Variants in ITPR1 observed in about 807,000 individuals in gnomAD.
The protein encoded by ITPR1 is inositol 1,4,5-trisphosphate-gated calcium channel ITPR1.
ITPR1 carries 96 observed loss-of-function variants against 318.4 expected under a neutral mutation model. That is an observed-to-expected ratio of 0.30 (90% CI 0.26 to 0.36). The LOEUF (loss-of-function observed/expected upper bound fraction) is 0.36, where lower values mean the gene tolerates loss of function less well. ITPR1 is among the 10% of genes least tolerant of loss of function. The pLI, the probability that ITPR1 is intolerant of heterozygous loss-of-function variation, is 1.00. For missense variants in ITPR1, 2,440 were observed against 3,460.2 expected, an observed-to-expected ratio of 0.71 and a Z score of 7.40; for synonymous variants, 1,312 against 1,289.9, an observed-to-expected ratio of 1.02 and a Z score of -0.37.
intron 4 of ITPR1, among the ~76,000 whole-genome samples, chr3:4,618,284 A>G (rs2092464229): frequency 6.6e-6 from 1 of 152,226 alleles, no homozygotes; most frequent in African/African-American, 2.4e-5. Context: ...CTCACTTTCC[A>G]GAGGCAACAA....
rs2093852750 is a variant in ITPR1, at chr3:4,662,356, C to A, written c.1412+114C>A. Reference sequence around the variant, plus strand: ...GAACAGCTAAACATGGGGTAGCAGGCCTTAGCATTTATGGGTGGCTTCAAT... The same window carrying A: ...GAACAGCTAAACATGGGGTAGCAGGACTTAGCATTTATGGGTGGCTTCAAT... On this transcript the variant is annotated intron_variant, in intron 15 of 61. Coordinates refer to ENST00000649015, the MANE Select transcript of ITPR1 (RefSeq NM_001378452.1). The A allele has an allele frequency of 4.5e-6, 4 of 896,264 alleles. No individual in the cohort carries two copies. In the Admixed American group the frequency reaches 1.4e-4, roughly 31 times the overall value. 55.5% of individuals were successfully genotyped at this position (896,264 alleles called of 1,614,324 possible).
intron 3 of ITPR1, among the ~76,000 whole-genome samples, chr3:4,519,196 A>G (rs1051750061): frequency 3.9e-4 from 60 of 152,154 alleles, no homozygotes; most frequent in African/African-American, 1.4e-3. Context: ...TCCTCTTACC[A>G]CTTCCTCCCC....
intron 15 of ITPR1, 76 bp from the exon 16 acceptor site, chr3:4,662,989 G>A: frequency 2.2e-6 from 3 of 1,394,726 alleles, no homozygotes; most frequent in Non-Finnish European, 3.0e-6. Flanking sequence ...CATTCGTCCA[G>A]AAGGCTTCCA....
chr3:4,773,438 G>C (rs1420239686), intron 46 of ITPR1, among the ~76,000 whole-genome samples: 6 of 152,226 alleles, frequency 3.9e-5, no homozygotes, highest in Non-Finnish European at 8.8e-5. Flanking sequence ...TGTTATAAGA[G>C]TTGCCTCTCT....
rs1298278344 is a variant in ITPR1 at position 4,532,279 on chromosome 3, A to G, written c.163+11185A>G. ...TTGCTTCTGAGATCTGACTGCGTAT[A>G]GGAACCACCTGGAATCTTGTTAAAG... On this transcript the variant is annotated intron_variant, in intron 4 of 61. Transcript: ENST00000649015. Among the ~76,000 whole-genome samples the G allele has an allele frequency of 3.9e-5, 6 of 152,376 alleles. No homozygotes were observed. The East Asian group carries it at 7.7e-4, about 20-fold the overall frequency.
intron 4 of ITPR1, among the ~76,000 whole-genome samples, chr3:4,620,963 T>C (rs1316078314): frequency 2.0e-5 from 3 of 152,006 alleles, no homozygotes; most frequent in Non-Finnish European, 4.4e-5. Flanking sequence ...GACTGTTCTA[T>C]ATTTTCAACT....
At chr3:4,590,174 C>CTTTTTTTTTTTT (rs10713337) in intron 4 of ITPR1, among the ~76,000 whole-genome samples, 3 of 87,430 alleles carry the variant, frequency 3.4e-5, no homozygotes, top group Non-Finnish European at 6.4e-5. Flanking sequence ...CTTCGTCTTG[C>CTTTTTTTTTTTT]TTTTTTTTTT....
chr3:4,647,217 G>C (rs2093478416), intron 10 of ITPR1, among the ~76,000 whole-genome samples: 2 of 151,694 alleles, frequency 1.3e-5, no homozygotes, highest in Non-Finnish European at 2.9e-5. Context: ...ATTCTTGCAT[G>C]TATCAGATTA....
Position 4,836,735 on chromosome 3 carries a change from C to CT in ITPR1, c.8029-15dup, listed in dbSNP as rs201029025. The CT allele has an allele frequency of 0.028, 29,967 of 1,061,878 alleles. 46 individuals are homozygous for CT. The highest frequency in any genetic ancestry group is 0.031 in the Non-Finnish European group (26,100 of 854,270). The allele number at this position is 1,061,878 out of a possible 1,614,324, so 65.8% of individuals were successfully genotyped here. On this transcript the variant is annotated intron_variant, in intron 60 of 61. Coordinates refer to ENST00000649015, the MANE Select transcript of ITPR1 (RefSeq NM_001378452.1). The stretch of plus-strand genomic sequence containing the variant: ...TTTTTACCTCTAGAAGTGACTCAGT[C>CT]TTTTTTTTTTTTTTTTTTTTTTTTA...
chr3:4,669,783 G>C lies in ITPR1; in HGVS notation c.2006+10G>C. ...TCCTGATTGAGACCAAGTGAGTGGG[G>C]AGCCAGGGTTTAGATGGAAAACATG... On this transcript the variant is annotated intron_variant, in intron 19 of 61. Coordinates refer to ENST00000649015, the MANE Select transcript of ITPR1 (RefSeq NM_001378452.1). The C allele has an allele frequency of 1.2e-6, 2 of 1,604,158 alleles. No individual in the cohort carries two copies. Among genetic ancestry groups the C allele is most frequent in the Non-Finnish European group, 1.7e-6 (2 of 1,174,196 alleles).
Position 4,602,792 on chromosome 3 carries a change from TA to T in ITPR1, c.164-24967del, listed in dbSNP as rs1310074082. Among the ~76,000 whole-genome samples, 10 of 152,058 alleles carry T rather than the reference TA, an allele frequency of 6.6e-5. No individual in the cohort carries two copies. The South Asian group carries it at 8.3e-4, about 13-fold the overall frequency. Reference sequence around the variant, plus strand: ...TACCTATTTTGTGATTCTATTTATGTAAAATACCGAGAATTCATAGAGACAG... The same window carrying T: ...TACCTATTTTGTGATTCTATTTATGTAAATACCGAGAATTCATAGAGACAG... On this transcript the variant is annotated intron_variant, in intron 4 of 61. Coordinates refer to ENST00000649015, the MANE Select transcript of ITPR1 (RefSeq NM_001378452.1).
intron 57 of ITPR1, 92 bp downstream of exon 57, chr3:4,813,326 C>T (rs2049063461): frequency 4.6e-6 from 4 of 878,388 alleles, no homozygotes. Context: ...ATTAAATTTA[C>T]TGCTCAGGAG....
intron 46 of ITPR1, among the ~76,000 whole-genome samples, chr3:4,774,011 G>C (rs955933090): frequency 2.0e-5 from 3 of 152,142 alleles, no homozygotes; most frequent in Non-Finnish European, 4.4e-5. Context: ...TTTTTATAAA[G>C]ACCAAATGAA....
chr3:4,500,822 T>C (rs1247985249), intron 2 of ITPR1, among the ~76,000 whole-genome samples: 2 of 152,194 alleles, frequency 1.3e-5, no homozygotes, highest in East Asian at 3.8e-4. Context: ...CACTAAGAGG[T>C]TGTTAAATCA....
intron 39 of ITPR1, among the ~76,000 whole-genome samples, chr3:4,714,272 G>A (rs722367): frequency 0.13 from 20,527 of 152,152 alleles, 1,465 homozygotes; most frequent in Admixed American, 0.15. Context: ...AATAAATGAG[G>A]TGTTCTTTGG....
chr3:4,681,945 T>G (rs963674824), intron 26 of ITPR1, among the ~76,000 whole-genome samples: 1 of 152,192 alleles, frequency 6.6e-6, no homozygotes, highest in African/African-American at 2.4e-5. Context: ...AATTTTGACT[T>G]AAGACATTAT....
At chr3:4,822,438 A>C (rs2049788538) in intron 60 of ITPR1, among the ~76,000 whole-genome samples, 2 of 152,146 alleles carry the variant, frequency 1.3e-5, no homozygotes, top group South Asian at 4.1e-4. Flanking sequence ...TCTCTCTTGA[A>C]CTTTAAATCT....
chr3:4,779,411 T>C lies in ITPR1; in HGVS notation c.6292-139T>C, dbSNP rs2046678478. 8 of 632,074 alleles carry C rather than the reference T, an allele frequency of 1.3e-5. No individual in the cohort carries two copies. The East Asian group carries it at 2.0e-4, about 16-fold the overall frequency. The allele number at this position is 632,074 out of a possible 1,614,324, so 39.2% of individuals were successfully genotyped here. On this transcript the variant is annotated intron_variant, in intron 48 of 61. Transcript: ENST00000649015. This position sits in a 1 kb window ranked among gnomAD's most constrained non-coding sequence, Gnocchi z 4.0. ...CTGGTGCAGATGGATTTTGATGTCC[T>C]TAACCCAGAGCTTCCTCATGGGGTG...
At chr3:4,705,024 TTG>T (rs757046507) in intron 36 of ITPR1, among the ~76,000 whole-genome samples, 1 of 151,944 alleles carries the variant, frequency 6.6e-6, no homozygotes, top group Non-Finnish European at 1.5e-5. Context: ...TTCCGCTAAA[TTG>T]TGTGTGTGTG....
Sources: gnomAD v4.1 joint callset for allele counts (sites outside exome capture counted in the v4.1 genomes callset) on GRCh38, gnomAD v4.1.1 for gene constraint, Gnocchi (gnomAD v3.1) non-coding constraint, MANE v1.5 for transcripts, NCBI Gene and HGNC (gene_info 2026-07-23, HGNC 2026-07-21) for gene names.